Variants in RBM27 observed in about 807,000 individuals in gnomAD.
The protein encoded by RBM27 is RNA-binding protein 27.
Under a neutral mutation model 135.3 loss-of-function variants are expected in RBM27, and 22 were observed. That is an observed-to-expected ratio of 0.16 (90% confidence interval 0.12 to 0.23). The LOEUF (loss-of-function observed/expected upper bound fraction) is 0.23, where lower values mean the gene tolerates loss of function less well. Ranked by LOEUF, RBM27 falls within the 10% of genes least tolerant of loss-of-function variation. RBM27 has a pLI of 1.00. For missense variants in RBM27, 1,009 were observed against 1,281.0 expected, an observed-to-expected ratio of 0.79 and a Z score of 3.24; for synonymous variants, 481 against 442.4, an observed-to-expected ratio of 1.09 and a Z score of -1.10.
chr5:146,276,220 C>T (rs761919503), intron 19 of RBM27, among the ~76,000 whole-genome samples: 4 of 150,762 alleles, frequency 2.7e-5, no homozygotes, highest in East Asian at 2.0e-4. Flanking sequence ...TTTTTTGTTA[C>T]GGATTTATAC....
In RBM27 at chr5:146,240,183, G is replaced by A. The variant is rs865799513; in HGVS notation, c.1279+2751G>A. On this transcript the variant is annotated intron_variant, in intron 8 of 20. Transcript: ENST00000265271. ...CCAATTATACCCTTTCTGTGCCCCC[G>A]TCATGGCTCAACTTTCCCCCCCAAT... 3.9e-4 allele frequency among the ~76,000 whole-genome samples: 58 copies of A among 149,652 alleles called. 1 individual carries two copies. Among genetic ancestry groups the A allele is most frequent in the African/African-American group, 1.1e-3 (45 of 40,476 alleles).
intron 8 of RBM27, among the ~76,000 whole-genome samples, chr5:146,241,178 CA>C (rs1757395055): frequency 1.3e-5 from 2 of 152,030 alleles, no homozygotes; most frequent in South Asian, 4.1e-4. Flanking sequence ...AAAAATCTGG[CA>C]ATTACCATTT....
Position 146,223,513 on chromosome 5 carries a change from G to A in RBM27, c.289G>A (p.Glu97Lys), listed in dbSNP as rs374488115. 14 of 1,602,858 alleles carry A rather than the reference G, an allele frequency of 8.7e-6. No homozygotes were observed. Among genetic ancestry groups the A allele is most frequent in the Non-Finnish European group, 1.2e-5 (14 of 1,176,932 alleles). The change falls in exon 3 of 21, where the codon GAA becomes AAA. Residue 97 changes from glutamate to lysine, a missense_variant. Coordinates refer to ENST00000265271, the MANE Select transcript of RBM27 (RefSeq NM_018989.2). ...EPKPLVQEKE[E>K]IKEEVFQEPA... ...AAAACCACTAGTCCAAGAAAAAGAA[G>A]AAATTAAAGAAGAGGTAATGCAAAT...
At chr5:146,237,991 C>T (rs900690849) in intron 8 of RBM27, among the ~76,000 whole-genome samples, 1 of 152,190 alleles carries the variant, frequency 6.6e-6, no homozygotes, top group South Asian at 2.1e-4. Flanking sequence ...CCCAGCCTAA[C>T]GTCAAGTCTC....
chr5:146,240,874 T>C (rs1236593893), intron 8 of RBM27, among the ~76,000 whole-genome samples: 1 of 152,190 alleles, frequency 6.6e-6, no homozygotes, highest in Non-Finnish European at 1.5e-5. Flanking sequence ...CATTTTTTAA[T>C]TATGGGAAAT....
chr5:146,258,504 C>G lies in RBM27; in HGVS notation c.1650C>G (p.Asn550Lys). The G allele has an allele frequency of 6.2e-7, 1 of 1,604,168 alleles. No homozygotes were observed. The highest frequency in any genetic ancestry group is 1.1e-5 in the South Asian group (1 of 89,766). Residue 550 changes from asparagine (N) to lysine (K), a missense_variant, in exon 11 of 21, where the codon AAC (asparagine) becomes AAG (lysine). By Grantham distance (94) the Asn-to-Lys change is moderately conservative. Coordinates refer to ENST00000265271, the MANE Select transcript of RBM27 (RefSeq NM_018989.2). Reference sequence around the variant, plus strand: ...CAGTTCCTGTTTCGATTAATAGCAACATAACCAGAGTAGTTCTTGAACCAG... The same window carrying G: ...CAGTTCCTGTTTCGATTAATAGCAAGATAACCAGAGTAGTTCTTGAACCAG... ...EPPVPVSINS[N>K]ITRVVLEPDS... is the part of the protein sequence containing the mutation.
intron 1 of RBM27, among the ~76,000 whole-genome samples, chr5:146,207,466 G>A (rs902877815): frequency 1.3e-4 from 19 of 151,740 alleles, no homozygotes; most frequent in African/African-American, 4.6e-4. Flanking sequence ...CACCTGCTTG[G>A]CCTTCCAAAG....
In RBM27 at chr5:146,287,946, G is replaced by A. The variant is rs1043037534; in HGVS notation, c.*1916G>A. On this transcript the variant is annotated 3_prime_UTR_variant, in exon 21 of 21. Transcript: ENST00000265271. Reference sequence around the variant, plus strand: ...CAGTATATATTTTGAAAGATTCATTGTGGTGAATATTTTGAGTCCTGACAG... The same window carrying A: ...CAGTATATATTTTGAAAGATTCATTATGGTGAATATTTTGAGTCCTGACAG... 6.6e-6 allele frequency: 1 copy of A among 152,026 alleles called. No homozygotes were observed. Among genetic ancestry groups the A allele is most frequent in the Non-Finnish European group, 1.5e-5 (1 of 67,962 alleles). 9.4% of individuals were successfully genotyped at this position (152,026 alleles called of 1,614,324 possible).
chr5:146,228,466 G>A (rs1756777332), intron 3 of RBM27, among the ~76,000 whole-genome samples: 1 of 151,368 alleles, frequency 6.6e-6, no homozygotes, highest in Non-Finnish European at 1.5e-5. Context: ...ATTTTTAGTC[G>A]AGACAGGGTT....
At chr5:146,204,715 C>A (rs1356715513) in intron 1 of RBM27, among the ~76,000 whole-genome samples, 2 of 151,896 alleles carry the variant, frequency 1.3e-5, no homozygotes, top group African/African-American at 4.8e-5. Context: ...TATTCTTGTG[C>A]CATTGAGAGG....
chr5:146,279,579 G>C (rs1248688480), intron 19 of RBM27, among the ~76,000 whole-genome samples: 1 of 151,962 alleles, frequency 6.6e-6, no homozygotes, highest in Non-Finnish European at 1.5e-5. Flanking sequence ...AGGCCGAGGC[G>C]GGTGGATCAC....
intron 1 of RBM27, among the ~76,000 whole-genome samples, chr5:146,216,488 A>G (rs1756198833): frequency 1.3e-5 from 2 of 152,132 alleles, no homozygotes; most frequent in East Asian, 1.9e-4. Flanking sequence ...ATCATCTCAT[A>G]TAGCTGTCTT....
At chr5:146,238,487 G>C (rs1190971161) in intron 8 of RBM27, among the ~76,000 whole-genome samples, 1 of 152,182 alleles carries the variant, frequency 6.6e-6, no homozygotes, top group East Asian at 1.9e-4. Flanking sequence ...CCGCCTGGGT[G>C]ACAGAGCAAA....
At chr5:146,266,290 A>G (rs2126869996) in intron 14 of RBM27, among the ~76,000 whole-genome samples, 1 of 152,354 alleles carries the variant, frequency 6.6e-6, no homozygotes, top group East Asian at 1.9e-4. Flanking sequence ...TGGATGAGTG[A>G]CCTGGTTTCT....
chr5:146,211,422 A>T (rs1755938829), intron 1 of RBM27, among the ~76,000 whole-genome samples: 1 of 148,328 alleles, frequency 6.7e-6, no homozygotes, highest in Admixed American at 6.9e-5. Flanking sequence ...CAAATGTGAA[A>T]GTCAACTCCA....
intron 10 of RBM27, among the ~76,000 whole-genome samples, chr5:146,257,943 A>C (rs1293329955): frequency 6.6e-6 from 1 of 151,964 alleles, no homozygotes; most frequent in Non-Finnish European, 1.5e-5. Flanking sequence ...CAGCCTCCCG[A>C]GTAGCTGGGA....
chr5:146,226,198 G>A (rs1425422396), intron 3 of RBM27, among the ~76,000 whole-genome samples: 1 of 151,756 alleles, frequency 6.6e-6, no homozygotes, highest in Non-Finnish European at 1.5e-5. Flanking sequence ...TACTTTCATA[G>A]ACATTTTTCT....
chr5:146,232,843 A>C (rs531450968), intron 6 of RBM27, among the ~76,000 whole-genome samples: 31 of 152,336 alleles, frequency 2.0e-4, no homozygotes, highest in Non-Finnish European at 4.4e-4. Context: ...CTGATATTAC[A>C]GGCGTGAGCG....
At chr5:146,210,131 A>G (rs999117606) in intron 1 of RBM27, among the ~76,000 whole-genome samples, 1 of 152,202 alleles carries the variant, frequency 6.6e-6, no homozygotes, top group Admixed American at 6.5e-5. Context: ...CGTGCAGGGC[A>G]AGGTCTGTTT....
Sources: gnomAD v4.1 joint callset for allele counts (sites outside exome capture counted in the v4.1 genomes callset) on GRCh38, gnomAD v4.1.1 for gene constraint, MANE v1.5 for transcripts, NCBI Gene and HGNC (gene_info 2026-07-23, HGNC 2026-07-21) for gene names.